BCAS1: variants seen among roughly 807,000 people sequenced by gnomAD.
The protein encoded by BCAS1 is breast carcinoma-amplified sequence 1.
A neutral mutation model predicts 65.4 loss-of-function variants in BCAS1; 46 were observed. The ratio of observed to expected loss-of-function variants is 0.70; its 90% CI spans 0.55 to 0.90. The LOEUF (loss-of-function observed/expected upper bound fraction) is 0.90. Among genes scored for constraint, BCAS1 ranks in the 40% least tolerant of loss-of-function variants. The pLI is 0.00. For missense variants in BCAS1, 793 were observed against 771.2 expected, an observed-to-expected ratio of 1.03 and a Z score of -0.33; for synonymous variants, 298 against 293.5, an observed-to-expected ratio of 1.02 and a Z score of -0.16.
chr20:54,019,316 C>T (rs2091506540), intron 4 of BCAS1, among the ~76,000 whole-genome samples: 1 of 152,204 alleles, frequency 6.6e-6, no homozygotes, highest in Non-Finnish European at 1.5e-5. Context: ...CAAAGTGAAA[C>T]AGGCGTGCTT....
At chr20:54,013,235 C>T (rs749837929) in intron 4 of BCAS1, among the ~76,000 whole-genome samples, 1 of 152,158 alleles carries the variant, frequency 6.6e-6, no homozygotes, top group Non-Finnish European at 1.5e-5. Flanking sequence ...AAAAACAGAG[C>T]AGCCATCTGG....
rs1370787143 is a variant in BCAS1, at chr20:54,065,873, G to T, written c.-6+4560C>A. Among the ~76,000 whole-genome samples, 3 of 152,158 alleles carry T rather than the reference G, an allele frequency of 2.0e-5. No individual in the cohort carries two copies. The East Asian group carries it at 5.8e-4, about 29-fold the overall frequency. On this transcript the variant is annotated intron_variant, in intron 1 of 12. Coordinates refer to ENST00000688948, the MANE Select transcript of BCAS1 (RefSeq NM_001366298.2). ...ATTAGAAGGGTGTGGCCCATGTGTT[G>T]TATAACTGGGTGGCTGGTGCACAGC...
In BCAS1 at chr20:53,995,905, A is replaced by C. The variant is rs773982300; in HGVS notation, c.869T>G (p.Phe290Cys). 1 of 1,604,194 alleles carries C rather than the reference A, an allele frequency of 6.2e-7. No homozygotes were observed. Among genetic ancestry groups the C allele is most frequent in the South Asian group, 1.1e-5 (1 of 89,174 alleles). The change falls in exon 5 of 13, where the codon TTC (phenylalanine) becomes TGC (cysteine). Residue 290 changes from phenylalanine (F) to cysteine (C), a missense_variant. Transcript: ENST00000688948. ...AAAACTGCTTACCAGAGTTTTAAAG[A>C]AACTCATGATGGAATTATTATTCTC... ...IAENNNSIMS[F>C]FKTLVSPNKA... is the part of the protein sequence containing the mutation.
chr20:54,006,537 C>T (rs1352152084), intron 4 of BCAS1, among the ~76,000 whole-genome samples: 1 of 152,012 alleles, frequency 6.6e-6, no homozygotes, highest in Admixed American at 6.6e-5. Context: ...TGGTGAAACC[C>T]CGCCTCTATT....
chr20:54,040,071 A>C (rs1323464888), intron 3 of BCAS1, among the ~76,000 whole-genome samples: 1 of 151,476 alleles, frequency 6.6e-6, no homozygotes, highest in East Asian at 1.9e-4. Context: ...ACCATTGCCT[A>C]ATCAATGAAT....
At chr20:54,028,197 G>C in intron 4 of BCAS1, 195 bp downstream of exon 4, 1 of 621,170 alleles carries the variant, frequency 1.6e-6, no homozygotes, top group Non-Finnish European at 2.9e-6. Context: ...AGCTGTTATT[G>C]TTCTTCACAC....
intron 12 of BCAS1, among the ~76,000 whole-genome samples, chr20:53,951,453 A>G (rs1381561292): frequency 6.6e-6 from 1 of 152,234 alleles, no homozygotes; most frequent in Admixed American, 6.5e-5. Flanking sequence ...CCTGGGCAAC[A>G]AGAGCGAAAC....
chr20:54,005,360 C>A (rs2091162444), intron 4 of BCAS1, among the ~76,000 whole-genome samples: 1 of 79,970 alleles, frequency 1.3e-5, no homozygotes, highest in Non-Finnish European at 3.0e-5. Flanking sequence ...TGGTGGCATG[C>A]ACCTGTGGTC....
Position 53,957,516 on chromosome 20 carries a change from A to G in BCAS1, c.1486-19T>C, listed in dbSNP as rs1319548902. On this transcript the variant is annotated intron_variant, in intron 10 of 12. Coordinates refer to ENST00000688948, the MANE Select transcript of BCAS1 (RefSeq NM_001366298.2). The stretch of plus-strand genomic sequence containing the variant: ...TCACTGACTAAAATAACAAACAGAC[A>G]ATGGCCTTCAGCCACAAGTACAGTG... 1.2e-6 allele frequency: 2 copies of G among 1,609,540 alleles called. No individual in the cohort carries two copies. Among genetic ancestry groups the G allele is most frequent in the South Asian group, 2.2e-5 (2 of 90,982 alleles).
chr20:53,960,839 T>C (rs2089857514), intron 10 of BCAS1, among the ~76,000 whole-genome samples: 1 of 152,214 alleles, frequency 6.6e-6, no homozygotes, highest in African/African-American at 2.4e-5. Flanking sequence ...AACTTATTTT[T>C]TCCAGCTGTC....
intron 1 of BCAS1, among the ~76,000 whole-genome samples, chr20:54,069,082 C>T (rs956658204): frequency 6.6e-6 from 1 of 152,186 alleles, no homozygotes; most frequent in East Asian, 1.9e-4. Flanking sequence ...CCCCCACCCT[C>T]ACTTAAATGA....
chr20:54,030,829 C>T (rs1276924107), intron 3 of BCAS1, among the ~76,000 whole-genome samples: 2 of 151,186 alleles, frequency 1.3e-5, no homozygotes, highest in African/African-American at 4.8e-5. Context: ...GATCTTCTAG[C>T]TCTTCTTAAC....
rs151154236 is a variant in BCAS1 at position 53,953,612 on chromosome 20, C to A, written c.1635G>T (p.Ser545=). 1 of 1,613,704 alleles carries A rather than the reference C, an allele frequency of 6.2e-7. No homozygotes were observed. Among genetic ancestry groups the A allele is most frequent in the East Asian group, 2.2e-5 (1 of 44,846 alleles). Residue 545 remains serine (S), a synonymous_variant, in exon 12 of 13, where the codon TCG becomes TCT. Transcript: ENST00000688948. ...TCTCGGCTGCTGACTTCTTGTCCTT[C>A]GAGGAGCCCTCTTTACCCTTCTGTG... ...GAPQKGKEGS[S]KDKKSAAEMN... is the part of the protein sequence containing the mutation.
Position 54,058,602 on chromosome 20 carries a change from T to TC in BCAS1, c.72+44_72+45insG, listed in dbSNP as rs768740206. 2.7e-6 allele frequency: 4 copies of TC among 1,467,964 alleles called. No homozygotes were observed. In the Middle Eastern group the frequency reaches 6.7e-4, roughly 247 times the overall value. 90.9% of individuals were successfully genotyped at this position (1,467,964 alleles called of 1,614,324 possible). ...TCAAATACAGGAAGTTCTTTTTTTT[T>TC]TTTTTTTTTTTCTGCTGATGCCCCT... On this transcript the variant is annotated intron_variant, in intron 2 of 12. Coordinates refer to ENST00000688948, the MANE Select transcript of BCAS1 (RefSeq NM_001366298.2).
At chr20:54,004,211 G>A (rs747601505) in intron 4 of BCAS1, among the ~76,000 whole-genome samples, 16 of 152,142 alleles carry the variant, frequency 1.1e-4, no homozygotes, top group Non-Finnish European at 1.9e-4. Flanking sequence ...CCCAGCGAGC[G>A]TTCTAGTCCT....
chr20:53,945,412 T>A (rs1344147922), intron 12 of BCAS1, among the ~76,000 whole-genome samples: 1 of 143,528 alleles, frequency 7.0e-6, no homozygotes, highest in Non-Finnish European at 1.6e-5. Context: ...TTCTTTTTTT[T>A]TTATTATACT....
At chr20:54,008,032 G>A (rs903781068) in intron 4 of BCAS1, among the ~76,000 whole-genome samples, 7 of 152,046 alleles carry the variant, frequency 4.6e-5, no homozygotes, top group South Asian at 2.1e-4. Flanking sequence ...AATCCTTTCC[G>A]AAAGCCTACT....
intron 4 of BCAS1, among the ~76,000 whole-genome samples, chr20:54,024,613 AG>A (rs1323066671): frequency 6.6e-6 from 1 of 152,238 alleles, no homozygotes; most frequent in Non-Finnish European, 1.5e-5. Context: ...AAGCGTAGTT[AG>A]AGATAGCCAA....
At chr20:53,974,743 T>G (rs2090279425) in intron 9 of BCAS1, among the ~76,000 whole-genome samples, 1 of 152,236 alleles carries the variant, frequency 6.6e-6, no homozygotes, top group Non-Finnish European at 1.5e-5. Context: ...ACGAGGTCAA[T>G]TTATTAATCT....
Sources: gnomAD v4.1 joint callset for allele counts (sites outside exome capture counted in the v4.1 genomes callset) on GRCh38, gnomAD v4.1.1 for gene constraint, MANE v1.5 for transcripts, NCBI Gene and HGNC (gene_info 2026-07-23, HGNC 2026-07-21) for gene names.